The following TBC1D30 variants were observed in gnomAD, a reference collection of about 807,000 sequenced individuals.
TBC1D30 encodes the protein TBC1 domain family member 30.
In TBC1D30, 31 loss-of-function variants were observed where a neutral mutation model predicts 63.2. That is an observed-to-expected ratio of 0.49 (90% CI 0.37 to 0.66). TBC1D30 has a LOEUF of 0.66. Among genes scored for constraint, TBC1D30 ranks in the 30% least tolerant of loss-of-function variants. TBC1D30 has a pLI of 0.00. For missense variants in TBC1D30, 810 were observed against 953.6 expected (o/e 0.85, Z 1.98); for synonymous variants, 307 against 361.5 (o/e 0.85, Z 1.71).
In TBC1D30 at chr12:64,824,945, C is replaced by G; in HGVS notation, c.66C>G (p.Gly22=). ...RGGRCLKRQG[G]GVGTILSNVL... ...GGAGATGCCTGAAGCGGCAGGGCGG[C>G]GGCGTGGGCACCATCCTGAGCAATG... Residue 22 remains glycine, a synonymous_variant, in exon 1 of 12, where the codon GGC becomes GGG. Transcript: ENST00000539867. 6.5e-7 allele frequency: 1 copy of G among 1,534,504 alleles called. No individual in the cohort carries two copies. Among genetic ancestry groups the G allele is most frequent in the Non-Finnish European group, 8.7e-7 (1 of 1,146,572 alleles).
intron 2 of TBC1D30, among the ~76,000 whole-genome samples, chr12:64,812,831 T>C (rs1464811665): frequency 6.6e-6 from 1 of 152,114 alleles, no homozygotes; most frequent in Non-Finnish European, 1.5e-5. Context: ...TATTAATTTA[T>C]GAAGAGCAGA....
upstream of TBC1D30, among the ~76,000 whole-genome samples, chr12:64,776,463 T>C (rs1871084429): frequency 2.0e-5 from 3 of 152,096 alleles, no homozygotes. Flanking sequence ...GCAACCATCA[T>C]AGAATAGTAT....
intron 8 of TBC1D30, among the ~76,000 whole-genome samples, chr12:64,859,386 G>T (rs1459655132): frequency 2.6e-5 from 4 of 152,160 alleles, no homozygotes; most frequent in Non-Finnish European, 5.9e-5. Flanking sequence ...TTGGAAAGGG[G>T]AATAGAAGAT....
At chr12:64,815,505 ATTAAAC>A (rs1176820726) in intron 2 of TBC1D30, among the ~76,000 whole-genome samples, 1 of 152,230 alleles carries the variant, frequency 6.6e-6, no homozygotes, top group East Asian at 1.9e-4. Context: ...CATTTTTTAA[ATTAAAC>A]TTTAAATTTA....
At chr12:64,830,589 C>T in intron 4 of TBC1D30, 87 bp downstream of exon 4, 1 of 1,223,296 alleles carries the variant, frequency 8.2e-7, no homozygotes, top group Non-Finnish European at 1.1e-6. Flanking sequence ...ATCAAATGAT[C>T]TCTACCTTCT....
chr12:64,854,661 A>AT (rs1470972312), intron 8 of TBC1D30, among the ~76,000 whole-genome samples: 4 of 151,662 alleles, frequency 2.6e-5, no homozygotes, highest in Non-Finnish European at 5.9e-5. Context: ...CACCCAACTA[A>AT]TTTTTTTGTA....
At chr12:64,812,730 T>C (rs1873286886) in intron 2 of TBC1D30, among the ~76,000 whole-genome samples, 1 of 152,044 alleles carries the variant, frequency 6.6e-6, no homozygotes, top group African/African-American at 2.4e-5. Flanking sequence ...AATTACTCAC[T>C]TAAACTTTGC....
chr12:64,761,284 A>G (rs1377913816), intron 1 of TBC1D30, among the ~76,000 whole-genome samples: 1 of 152,200 alleles, frequency 6.6e-6, no homozygotes, highest in Non-Finnish European at 1.5e-5. Context: ...GTTAGATTAT[A>G]AACTATTTGA....
rs1878932756 is a variant in TBC1D30, at chr12:64,875,024, C to A, written c.1522C>A (p.Leu508Ile). ...RADKGPVTSI[L>I]PSQVNSSPVI... ...AGACAAAGGGCCAGTGACCAGCATT[C>A]TCCCGTCTCAGGTAAACAGTTCTCC... Residue 508 changes from leucine to isoleucine, a missense_variant, in exon 12 of 12, where the codon CTC becomes ATC. Around this residue, in one of 4 missense-constraint regions of TBC1D30, gnomAD observed 450 missense variants for 473.0 expected, o/e 0.95. Transcript: ENST00000539867. 6.5e-7 allele frequency: 1 copy of A among 1,536,582 alleles called. No homozygotes were observed. The highest frequency in any genetic ancestry group is 8.7e-7 in the Non-Finnish European group (1 of 1,146,938).
intron 2 of TBC1D30, among the ~76,000 whole-genome samples, chr12:64,796,485 G>T (rs571131524): frequency 2.6e-4 from 40 of 152,164 alleles, no homozygotes; most frequent in African/African-American, 8.4e-4. Flanking sequence ...TATGTTCTCT[G>T]TATTGCCACA....
intron 2 of TBC1D30, among the ~76,000 whole-genome samples, chr12:64,807,381 A>G (rs960581537): frequency 2.0e-5 from 3 of 152,184 alleles, no homozygotes; most frequent in African/African-American, 7.2e-5. Context: ...GTGAGAATGG[A>G]CTAATACAGA....
intron 2 of TBC1D30, among the ~76,000 whole-genome samples, chr12:64,810,609 C>G (rs1035637373): frequency 1.3e-4 from 20 of 151,298 alleles, no homozygotes; most frequent in African/African-American, 4.4e-4. Flanking sequence ...TCTCAAAAAA[C>G]AAAACAAAAC....
intron 11 of TBC1D30, among the ~76,000 whole-genome samples, chr12:64,874,468 T>C (rs1167212491): frequency 1.3e-5 from 2 of 152,202 alleles, no homozygotes; most frequent in African/African-American, 4.8e-5. Context: ...TTTTCACCTG[T>C]AGGGCTAGAT....
upstream of TBC1D30, among the ~76,000 whole-genome samples, chr12:64,820,931 T>C (rs1303984567): frequency 1.3e-5 from 2 of 152,258 alleles, no homozygotes; most frequent in Admixed American, 1.3e-4. Context: ...TTGCTGTTTA[T>C]TGCCATCATA....
intron 5 of TBC1D30, among the ~76,000 whole-genome samples, chr12:64,833,683 T>C (rs1038623358): frequency 6.6e-6 from 1 of 152,244 alleles, no homozygotes; most frequent in Non-Finnish European, 1.5e-5. Flanking sequence ...CAGCTTGACA[T>C]GATCTAAATC....
intron 1 of TBC1D30, among the ~76,000 whole-genome samples, chr12:64,768,925 G>A (rs1870808248): frequency 1.3e-5 from 2 of 152,140 alleles, no homozygotes; most frequent in Admixed American, 6.6e-5. Context: ...GGTAGGCTGA[G>A]GCAGGCGGAT....
intron 3 of TBC1D30, 86 bp from the exon 4 acceptor site, chr12:64,830,291 C>A: frequency 7.5e-7 from 1 of 1,330,152 alleles, no homozygotes; most frequent in Middle Eastern, 1.9e-4. Context: ...TTCCCATTTT[C>A]TTGTCGAATG....
chr12:64,821,137 T>A (rs1231376191), upstream of TBC1D30, among the ~76,000 whole-genome samples: 2 of 152,248 alleles, frequency 1.3e-5, no homozygotes, highest in African/African-American at 4.8e-5. Context: ...GTTGACAGCC[T>A]AGAGTCTAGA....
At chr12:64,807,918 GTT>G (rs774145443) in intron 2 of TBC1D30, among the ~76,000 whole-genome samples, 8 of 93,518 alleles carry the variant, frequency 8.6e-5, no homozygotes, top group African/African-American at 1.1e-4. Flanking sequence ...CCTAATTTAA[GTT>G]TTTTTTTTTT....
Sources: allele counts gnomAD v4.1 joint callset (sites outside exome capture counted in the v4.1 genomes callset), GRCh38; gene constraint gnomAD v4.1.1; regional missense constraint gnomAD v4.1.1; transcripts MANE v1.5; gene names NCBI Gene and HGNC (gene_info 2026-07-23, HGNC 2026-07-21).